Variants in TEX14 observed in about 807,000 individuals in gnomAD.
TEX14 encodes inactive serine/threonine-protein kinase TEX14.
TEX14 carries 168 observed loss-of-function variants against 178.6 expected under a neutral mutation model. The ratio of observed to expected loss-of-function variants is 0.94; its 90% confidence interval spans 0.83 to 1.07. TEX14 has a LOEUF of 1.07. Ranked by LOEUF, TEX14 falls within the 50% of genes least tolerant of loss-of-function variation. TEX14 has a pLI of 0.00. For missense variants in TEX14, 1,730 were observed against 1,753.6 expected (o/e 0.99, Z 0.24); for synonymous variants, 626 against 634.1 (o/e 0.99, Z 0.19).
At chr17:58,657,502 CTTTTTTTTTTTT>C (rs35359604) in intron 1 of TEX14, among the ~76,000 whole-genome samples, 42 of 51,364 alleles carry the variant, frequency 8.2e-4, no homozygotes, top group East Asian at 6.7e-3. Flanking sequence ...ACGGGAAATG[CTTTTTTTTTTTT>C]TTTTTTTTTT....
chr17:58,574,231 T>C lies in TEX14; in HGVS notation c.3339A>G (p.Glu1113=), dbSNP rs1448919943. Residue 1113 remains glutamate, a synonymous_variant, in exon 22 of 32, where the codon GAA becomes GAG. Transcript: ENST00000349033. ...QPVRSTEDEQ[E]ETSKESPKEL... is the part of the protein sequence containing the mutation. ...CCTTTGGTGACTCCTTTGATGTCTCTTCTTGTTCATCTTCAGTACTGTGAG... is the reference window on the plus strand; with the variant it reads ...CCTTTGGTGACTCCTTTGATGTCTCCTCTTGTTCATCTTCAGTACTGTGAG... 1.2e-6 allele frequency: 2 copies of C among 1,613,400 alleles called. No homozygotes were observed. Among genetic ancestry groups the C allele is most frequent in the African/African-American group, 2.7e-5 (2 of 74,930 alleles).
At chr17:58,684,180 CG>C (rs2047552324) in intron 1 of TEX14, among the ~76,000 whole-genome samples, 1 of 150,596 alleles carries the variant, frequency 6.6e-6, no homozygotes, top group African/African-American at 2.4e-5. Flanking sequence ...TGCTTCCGCC[CG>C]GCATGGTGAC....
chr17:58,572,274 A>T, intron 23 of TEX14, 148 bp from the exon 24 acceptor site: 1 of 605,760 alleles, frequency 1.7e-6, no homozygotes, highest in South Asian at 2.1e-5. Flanking sequence ...ACAAACAAAC[A>T]AACAAACAAA....
chr17:58,683,052 C>CAAAAAAAAAAAAAAAAAAAAAAAAA (rs1194798521), intron 1 of TEX14, among the ~76,000 whole-genome samples: 1 of 54,044 alleles, frequency 1.9e-5, no homozygotes, highest in African/African-American at 6.8e-5. Context: ...GAGTCTGTCT[C>CAAAAAAAAAAAAAAAAAAAAAAAAA]AAAAAAAAAA....
intron 14 of TEX14, among the ~76,000 whole-genome samples, chr17:58,596,607 G>A (rs1012153245): frequency 6.6e-6 from 1 of 152,084 alleles, no homozygotes. Flanking sequence ...AATGACAGCT[G>A]GGCATGGTGG....
chr17:58,627,919 T>A (rs1186909198), intron 3 of TEX14, among the ~76,000 whole-genome samples: 2 of 140,804 alleles, frequency 1.4e-5, no homozygotes, highest in Non-Finnish European at 3.1e-5. Context: ...CCACCTTTTT[T>A]TTTTTTTTTT....
chr17:58,596,604 G>A (rs1189753238), intron 14 of TEX14, among the ~76,000 whole-genome samples: 1 of 152,034 alleles, frequency 6.6e-6, no homozygotes, highest in Admixed American at 6.6e-5. Context: ...ACAAATGACA[G>A]CTGGGCATGG....
At position 58,602,495 on chromosome 17, in the gene TEX14, A is replaced by C. The variant is rs1598376436; in HGVS notation, c.1432T>G (p.Tyr478Asp). The change falls in exon 12 of 32, where the codon TAC (tyrosine) becomes GAC (aspartate). Residue 478 changes from tyrosine to aspartate, a missense_variant. By Grantham distance (160) the Tyr-to-Asp change is radical (BLOSUM62 -3). Around this residue, in one of 2 missense-constraint regions of TEX14, gnomAD observed 789 missense variants for 681.2 expected, o/e 1.16. Transcript: ENST00000349033. ...LEADVRLPKPYYDIVKSGIHV... is the reference protein window; with the variant it reads ...LEADVRLPKPDYDIVKSGIHV... ...ATGCCTGACTTAACAATATCATAGT[A>C]AGGTTTCGGAAGCCTGACATCAGCT... 1 of 1,614,050 alleles carries C rather than the reference A, an allele frequency of 6.2e-7. No homozygotes were observed. The highest frequency in any genetic ancestry group is 8.5e-7 in the Non-Finnish European group (1 of 1,180,018).
intron 1 of TEX14, among the ~76,000 whole-genome samples, chr17:58,653,118 A>C (rs539634883): frequency 6.6e-6 from 1 of 152,184 alleles, no homozygotes; most frequent in Non-Finnish European, 1.5e-5. Context: ...TTGTATTTTT[A>C]GTAGAGACGA....
In TEX14 at chr17:58,602,433, T is replaced by C. The variant is rs1034163137; in HGVS notation, c.1494A>G (p.Gln498=). 1.8e-5 allele frequency: 29 copies of C among 1,613,964 alleles called. No individual in the cohort carries two copies. The highest frequency in any genetic ancestry group is 4.0e-5 in the African/African-American group (3 of 74,912). ...VKQKDRTMNL[Q]DIRYILKNDL... Reference sequence around the variant, plus strand: ...CATTCTTCAGAATATACCGGATATCTTGAAGGTTCATAGTTCGGTCTTTCT... The same window carrying C: ...CATTCTTCAGAATATACCGGATATCCTGAAGGTTCATAGTTCGGTCTTTCT... The change falls in exon 12 of 32, where the codon CAA becomes CAG. Residue 498 remains glutamine, a synonymous_variant. Transcript: ENST00000349033.
intron 1 of TEX14, among the ~76,000 whole-genome samples, chr17:58,658,350 G>A (rs542149897): frequency 6.7e-6 from 1 of 148,972 alleles, no homozygotes; most frequent in East Asian, 2.0e-4. Flanking sequence ...TTACAGGCAT[G>A]CACCACCTGT....
At chr17:58,624,824 T>C (rs551229372) in intron 3 of TEX14, among the ~76,000 whole-genome samples, 1 of 152,346 alleles carries the variant, frequency 6.6e-6, no homozygotes, top group Admixed American at 6.5e-5. Context: ...TCCACTGGGA[T>C]ATCTGTCAAA....
chr17:58,688,189 C>T (rs1208919266), intron 1 of TEX14, among the ~76,000 whole-genome samples: 3 of 151,960 alleles, frequency 2.0e-5, no homozygotes, highest in African/African-American at 7.3e-5. Context: ...GTCATAATAT[C>T]GGCTCACTGC....
intron 1 of TEX14, among the ~76,000 whole-genome samples, chr17:58,656,181 C>T (rs1024047858): frequency 2.0e-5 from 3 of 152,068 alleles, no homozygotes; most frequent in African/African-American, 2.4e-5. Context: ...CAGTGGCTTA[C>T]GCCTGTAATC....
Position 58,573,279 on chromosome 17 carries a change from C to A in TEX14, c.3413G>T (p.Ser1138Ile). Residue 1138 changes from serine (S) to isoleucine (I), a missense_variant, in exon 23 of 32, where the codon AGT (serine) becomes ATT (isoleucine). This residue lies in a region of TEX14 where 941 missense variants were observed against 1,072.4 expected (regional missense o/e 0.88). Transcript: ENST00000349033. ...ISLTDIQDLS[S>I]ISYEPDSSFK... ...AGAGCTGTCTGGTTCATAGGAGATA[C>A]TAGACAGGTCTTGAATATCCGTCAA... 2 of 1,613,862 alleles carry A rather than the reference C, an allele frequency of 1.2e-6. No individual in the cohort carries two copies. Among genetic ancestry groups the A allele is most frequent in the Non-Finnish European group, 1.7e-6 (2 of 1,179,750 alleles).
intron 1 of TEX14, chr17:58,659,356 A>G (rs1258422815): frequency 3.1e-6 from 3 of 981,926 alleles, no homozygotes; most frequent in Non-Finnish European, 3.6e-6. Context: ...CACACAACAT[A>G]CTCATGGCAA....
intron 2 of TEX14, among the ~76,000 whole-genome samples, chr17:58,649,509 G>A (rs1277131040): frequency 1.3e-5 from 2 of 152,136 alleles, no homozygotes; most frequent in Non-Finnish European, 2.9e-5. Flanking sequence ...CCCAGACACA[G>A]ATGAAGTCCT....
chr17:58,681,281 G>T (rs1016300158), intron 1 of TEX14, among the ~76,000 whole-genome samples: 11 of 151,994 alleles, frequency 7.2e-5, no homozygotes, highest in African/African-American at 2.7e-4. Context: ...AAATAAAAAT[G>T]AAAATAAAAA....
intron 2 of TEX14, among the ~76,000 whole-genome samples, chr17:58,643,289 T>C (rs552221903): frequency 6.6e-6 from 1 of 152,322 alleles, no homozygotes; most frequent in African/African-American, 2.4e-5. Context: ...TTTCAAAATA[T>C]GTCTGTGCAG....
Sources: allele counts gnomAD v4.1 joint callset (sites outside exome capture counted in the v4.1 genomes callset), GRCh38; gene constraint gnomAD v4.1.1; regional missense constraint gnomAD v4.1.1; transcripts MANE v1.5; gene names NCBI Gene and HGNC (gene_info 2026-07-23, HGNC 2026-07-21).